PARL: variants seen among roughly 807,000 people sequenced by gnomAD.
The protein encoded by PARL is presenilin-associated rhomboid-like protein, mitochondrial.
PARL carries 44 observed loss-of-function variants against 51.6 expected under a neutral mutation model. The observed-to-expected ratio is 0.85, with a 90% CI of 0.67 to 1.10. PARL has a LOEUF of 1.10. Ranked by LOEUF, PARL falls within the 50% of genes least tolerant of loss-of-function variation. PARL has a pLI of 0.00. For synonymous variants in PARL, 172 were observed against 164.0 expected, an observed-to-expected ratio of 1.05 and a Z score of -0.37; for missense variants, 441 against 469.5, an observed-to-expected ratio of 0.94 and a Z score of 0.56.
At chr3:183,878,294 G>A (rs1051780928) in intron 1 of PARL, among the ~76,000 whole-genome samples, 3 of 152,162 alleles carry the variant, frequency 2.0e-5, no homozygotes, top group African/African-American at 7.2e-5. Flanking sequence ...TTCTGAGGCC[G>A]ACTCTGGACC....
chr3:183,835,484 A>G (rs1728467430), intron 7 of PARL, among the ~76,000 whole-genome samples: 1 of 152,228 alleles, frequency 6.6e-6, no homozygotes, highest in African/African-American at 2.4e-5. Context: ...AAGTCAGGGT[A>G]ACTGCAAGAT....
chr3:183,831,712 CTT>C (rs1035422593), intron 9 of PARL, among the ~76,000 whole-genome samples: 2 of 151,960 alleles, frequency 1.3e-5, no homozygotes, highest in African/African-American at 4.8e-5. Flanking sequence ...CTAATGGAGT[CTT>C]TACCACCAAC....
At chr3:183,835,577 A>C (rs1404806283) in intron 7 of PARL, among the ~76,000 whole-genome samples, 2 of 152,186 alleles carry the variant, frequency 1.3e-5, no homozygotes, top group Non-Finnish European at 2.9e-5. Context: ...GCAAGAGACT[A>C]TAATTGTAGC....
intron 5 of PARL, chr3:183,843,317 A>T (rs971999399): frequency 3.0e-6 from 3 of 985,126 alleles, no homozygotes; most frequent in African/African-American, 1.7e-5. Flanking sequence ...GAAAAAAATA[A>T]GCAGTCTGGG....
chr3:183,882,806 G>C (rs1030519165), intron 1 of PARL, among the ~76,000 whole-genome samples: 1 of 152,096 alleles, frequency 6.6e-6, no homozygotes, highest in Admixed American at 6.5e-5. Context: ...TCACCACCTA[G>C]AGTGCTTGTA....
intron 1 of PARL, among the ~76,000 whole-genome samples, chr3:183,881,797 T>G (rs1365970343): frequency 6.6e-6 from 1 of 152,120 alleles, no homozygotes; most frequent in Non-Finnish European, 1.5e-5. Context: ...GGATTCTACA[T>G]AAACTCTGGC....
intron 1 of PARL, among the ~76,000 whole-genome samples, chr3:183,881,086 G>A (rs1288726296): frequency 1.3e-5 from 2 of 151,234 alleles, no homozygotes; most frequent in Non-Finnish European, 2.9e-5. Flanking sequence ...AAAGTGCTGG[G>A]ACTGCAGGCC....
intron 4 of PARL, among the ~76,000 whole-genome samples, chr3:183,860,939 AG>A (rs1464180865): frequency 1.3e-5 from 2 of 150,194 alleles, no homozygotes; most frequent in Non-Finnish European, 2.9e-5. Context: ...CAGCCTCCCT[AG>A]TAGCTGGGAT....
At chr3:183,848,476 C>T (rs1730210261) in intron 4 of PARL, among the ~76,000 whole-genome samples, 1 of 152,306 alleles carries the variant, frequency 6.6e-6, no homozygotes, top group African/African-American at 2.4e-5. Context: ...CTCCTGACCT[C>T]GTGATCTGCC....
In PARL at chr3:183,884,801, C is replaced by G; in HGVS notation, c.46G>C (p.Ala16Pro). 3.8e-6 allele frequency: 6 copies of G among 1,595,598 alleles called. No homozygotes were observed. Among genetic ancestry groups the G allele is most frequent in the Non-Finnish European group, 3.4e-6 (4 of 1,177,806 alleles). ...CGGCCGCCCACCGACGCACCCCACG[C>G]CTGGCCGCAGCCCCAGCCTCTCTGC... ...WAQRGWGCGQ[A>P]WGASVGGRSC... is the part of the protein sequence containing the mutation. Residue 16 changes from alanine to proline, a missense_variant, in exon 1 of 10, where the codon GCG (alanine) becomes CCG (proline). Physicochemically the swap from Ala to Pro is conservative, Grantham distance 27. Coordinates refer to ENST00000317096, the MANE Select transcript of PARL (RefSeq NM_018622.7).
chr3:183,859,774 T>G (rs767335980), intron 4 of PARL, among the ~76,000 whole-genome samples: 2 of 152,336 alleles, frequency 1.3e-5, no homozygotes, highest in African/African-American at 4.8e-5. Context: ...TACCCCTCAT[T>G]CTCTGAAACT....
At chr3:183,842,038 C>G (rs1474097268) in intron 6 of PARL, among the ~76,000 whole-genome samples, 1 of 152,170 alleles carries the variant, frequency 6.6e-6, no homozygotes, top group Non-Finnish European at 1.5e-5. Context: ...CTACACTAAC[C>G]CTTACTTAAC....
intron 7 of PARL, 50 bp from the exon 8 acceptor site, chr3:183,833,875 T>A (rs114181721): frequency 0.012 from 13,458 of 1,143,202 alleles, 96 homozygotes; most frequent in Non-Finnish European, 0.015. Context: ...TGCAACTGCT[T>A]AGTGGCTACA....
chr3:183,863,611 T>C (rs1346556366), intron 3 of PARL, among the ~76,000 whole-genome samples: 1 of 151,960 alleles, frequency 6.6e-6, no homozygotes, highest in East Asian at 1.9e-4. Flanking sequence ...TTTTCTTTTT[T>C]TTTCTTTTTA....
At chr3:183,858,048 CTAATAA>C (rs1731368600) in intron 4 of PARL, among the ~76,000 whole-genome samples, 1 of 152,084 alleles carries the variant, frequency 6.6e-6, no homozygotes, top group South Asian at 2.1e-4. Context: ...CTTATGATGA[CTAATAA>C]TAATAGAAAT....
At position 183,884,861 on chromosome 3, in the gene PARL, C is replaced by T. The variant is rs200106929; in HGVS notation, c.-15G>A. The T allele has an allele frequency of 1.4e-4, 224 of 1,596,860 alleles. 1 individual carries two copies. The African/African-American group carries it at 2.5e-3, about 18-fold the overall frequency. On this transcript the variant is annotated 5_prime_UTR_variant, in exon 1 of 10. Transcript: ENST00000317096. ...CGCCACGCCATCTTCCCAACCTCTGCCCCACCATGGCCCGACCTTACCAAC... is the reference window on the plus strand; with the variant it reads ...CGCCACGCCATCTTCCCAACCTCTGTCCCACCATGGCCCGACCTTACCAAC...
At chr3:183,881,556 A>T (rs1294975577) in intron 1 of PARL, among the ~76,000 whole-genome samples, 1 of 152,254 alleles carries the variant, frequency 6.6e-6, no homozygotes, top group East Asian at 1.9e-4. Context: ...TGGAGACAAA[A>T]TGTGTCTAAG....
intron 2 of PARL, among the ~76,000 whole-genome samples, chr3:183,867,367 C>T (rs539110353): frequency 6.6e-6 from 1 of 152,146 alleles, no homozygotes; most frequent in South Asian, 2.1e-4. Context: ...CTAGGGCTTA[C>T]ATAAGTAAGC....
chr3:183,865,285 G>C (rs914051341), intron 3 of PARL, among the ~76,000 whole-genome samples: 1 of 152,146 alleles, frequency 6.6e-6, no homozygotes, highest in African/African-American at 2.4e-5. Flanking sequence ...TGAGGCCTAG[G>C]TGACAGAGTG....
Sources: allele counts gnomAD v4.1 joint callset (sites outside exome capture counted in the v4.1 genomes callset), GRCh38; gene constraint gnomAD v4.1.1; transcripts MANE v1.5; gene names NCBI Gene and HGNC (gene_info 2026-07-23, HGNC 2026-07-21).